Variants in TOP1MT observed in about 807,000 individuals in gnomAD.
The protein encoded by TOP1MT is DNA topoisomerase I mitochondrial.
In TOP1MT, 80 loss-of-function variants were observed where a neutral mutation model predicts 73.9. The observed-to-expected ratio is 1.08, with a 90% CI of 0.90 to 1.30. The LOEUF is 1.30. TOP1MT is among the 50% of genes most tolerant of loss of function. The pLI is 0.00. For synonymous variants in TOP1MT, 338 were observed against 326.4 expected, an observed-to-expected ratio of 1.04 and a Z score of -0.38; for missense variants, 815 against 808.0, an observed-to-expected ratio of 1.01 and a Z score of -0.10.
Position 143,334,799 on chromosome 8 carries a change from G to T in TOP1MT, c.63C>A (p.Arg21=). Residue 21 remains arginine (R), a synonymous_variant, in exon 1 of 14, where the codon CGC becomes CGA. Coordinates refer to ENST00000329245, the MANE Select transcript of TOP1MT (RefSeq NM_052963.3). ...AALTLLGEVP[R]RPASRGVPGS... ...CCGGGACACCCCGGGAGGCCGGGCG[G>T]CGGGGGACCTCCCCGAGCAGCGTCA... The T allele has an allele frequency of 1.3e-6, 2 of 1,579,206 alleles. No individual in the cohort carries two copies. Among genetic ancestry groups the T allele is most frequent in the Non-Finnish European group, 8.6e-7 (1 of 1,167,824 alleles).
intron 8 of TOP1MT, 65 bp downstream of exon 8, chr8:143,321,136 C>T (rs553743007): frequency 4.2e-5 from 62 of 1,468,762 alleles, no homozygotes; most frequent in South Asian, 2.3e-4. Flanking sequence ...AGCTCCGGCA[C>T]GCCCCCAGAC....
intron 12 of TOP1MT, chr8:143,310,495 T>C (rs1311963442): frequency 6.2e-6 from 2 of 322,744 alleles, no homozygotes; most frequent in Non-Finnish European, 1.1e-5. Context: ...CACAACAGAC[T>C]GAGGCCGGCC....
In TOP1MT at chr8:143,325,342, G is replaced by A. The variant is rs373786310; in HGVS notation, c.671+4C>T. 214 of 1,581,732 alleles carry A rather than the reference G, an allele frequency of 1.4e-4. 1 individual carries two copies. Among genetic ancestry groups the A allele is most frequent in the Non-Finnish European group, 1.7e-4 (193 of 1,157,302 alleles). On this transcript the variant is annotated splice_donor_region_variant and intron_variant, in intron 5 of 13. Coordinates refer to ENST00000329245, the MANE Select transcript of TOP1MT (RefSeq NM_052963.3). ...GCCCGCCTGCTGCCCGCCCGGCCAC[G>A]CACCTGCTGCAGTTGATAACCACAT...
upstream of TOP1MT, among the ~76,000 whole-genome samples, chr8:143,349,889 C>A (rs1172827857): frequency 6.6e-6 from 1 of 152,192 alleles, no homozygotes; most frequent in Non-Finnish European, 1.5e-5. Context: ...GATCTGCCCA[C>A]CTCAGCCTCC....
Position 143,328,366 on chromosome 8 carries a change from C to T in TOP1MT, c.360+984G>A, listed in dbSNP as rs1017923273. 7.0e-6 allele frequency: 3 copies of T among 431,094 alleles called. No homozygotes were observed. In the East Asian group the frequency reaches 2.1e-4, roughly 31 times the overall value. The allele number at this position is 431,094 out of a possible 1,614,324, so 26.7% of individuals were successfully genotyped here. Reference sequence around the variant, plus strand: ...CTCCGATAAATGAGCGAGGAATACGCAAGCAACTCAGTTTTTTAAATAGAC... The same window carrying T: ...CTCCGATAAATGAGCGAGGAATACGTAAGCAACTCAGTTTTTTAAATAGAC... On this transcript the variant is annotated intron_variant, in intron 3 of 13. Transcript: ENST00000329245.
chr8:143,322,240 T>C (rs371754183), intron 7 of TOP1MT, among the ~76,000 whole-genome samples: 565 of 7,070 alleles, frequency 0.08, 46 homozygotes, highest in Middle Eastern at 0.1. Flanking sequence ...CACACATGCA[T>C]GCCACACACG....
intron 7 of TOP1MT, among the ~76,000 whole-genome samples, chr8:143,322,608 A>G (rs1410331524): frequency 7.6e-6 from 1 of 132,336 alleles, no homozygotes; most frequent in Non-Finnish European, 1.6e-5. Flanking sequence ...CAGGCCACAC[A>G]CATGCATGCC....
chr8:143,323,802 A>C (rs1424357907), intron 7 of TOP1MT, among the ~76,000 whole-genome samples, 197 bp downstream of exon 7: 1 of 151,550 alleles, frequency 6.6e-6, no homozygotes, highest in Non-Finnish European at 1.5e-5. Flanking sequence ...ACAAGTGCAC[A>C]CACACCACAC....
At chr8:143,309,598 C>T in intron 13 of TOP1MT, 55 bp from the exon 14 acceptor site, 8 of 1,607,852 alleles carry the variant, frequency 5.0e-6, no homozygotes, top group Non-Finnish European at 6.8e-6. Flanking sequence ...CCTTGAAGGC[C>T]AGGTCAGGGT....
intron 12 of TOP1MT, 51 bp downstream of exon 12, chr8:143,315,676 C>T (rs769823500): frequency 2.4e-5 from 36 of 1,479,096 alleles, no homozygotes; most frequent in Admixed American, 2.2e-4. Context: ...CTGGACCCTA[C>T]GGGTTGGGAC....
intron 7 of TOP1MT, among the ~76,000 whole-genome samples, chr8:143,321,766 C>T (rs144755288): frequency 0.12 from 7,955 of 67,558 alleles, 855 homozygotes; most frequent in East Asian, 0.4. Context: ...AACACAGGCA[C>T]GCCACACACA....
intron 1 of TOP1MT, chr8:143,343,436 G>A (rs1319902648): frequency 1.7e-5 from 6 of 353,208 alleles, no homozygotes; most frequent in Non-Finnish European, 1.1e-5. Flanking sequence ...TGGCAAAGCT[G>A]CTGGTGACCC....
intron 7 of TOP1MT, among the ~76,000 whole-genome samples, chr8:143,322,076 C>CCA (rs139414863): frequency 1.1e-4 from 6 of 52,524 alleles, no homozygotes; most frequent in African/African-American, 2.5e-4. Flanking sequence ...CACACGCACG[C>CCA]CACACACAGG....
At chr8:143,347,299 T>C (rs545384276), upstream of TOP1MT, among the ~76,000 whole-genome samples, 94 of 152,232 alleles carry the variant, frequency 6.2e-4, no homozygotes, top group African/African-American at 2.1e-3. Flanking sequence ...GGACTACAGG[T>C]GCCCGCCACC....
rs557770374 is a variant in TOP1MT, at chr8:143,354,073, G to A, written c.-39+1892C>T. On this transcript the variant is annotated intron_variant, in intron 1 of 5. Coordinates refer to the TOP1MT transcript ENST00000518760. ...TTCTAGCTACATACCCGAAAGCACT[G>A]CAAAGAGGTATTCAGACAAACACTT... Among the ~76,000 whole-genome samples the A allele has an allele frequency of 1.0e-4, 15 of 150,322 alleles. No homozygotes were observed. In the South Asian group the frequency reaches 3.1e-3, roughly 31 times the overall value.
chr8:143,341,158 C>T lies in TOP1MT; in HGVS notation c.29+2062G>A, dbSNP rs1490583519. Among the ~76,000 whole-genome samples the T allele has an allele frequency of 1.3e-5, 2 of 152,210 alleles. No homozygotes were observed. Among genetic ancestry groups the T allele is most frequent in the African/African-American group, 4.8e-5 (2 of 41,454 alleles). ...GCCACCCTCTTCTCGTGCTGCCGCCCCAGTGCATCTCCCCACACGTTTGTC... is the reference window on the plus strand; with the variant it reads ...GCCACCCTCTTCTCGTGCTGCCGCCTCAGTGCATCTCCCCACACGTTTGTC... On this transcript the variant is annotated intron_variant, in intron 2 of 5. Transcript: ENST00000518007. This position sits in a 1 kb window ranked among gnomAD's most constrained non-coding sequence, Gnocchi z 4.1.
chr8:143,344,153 G>A lies in TOP1MT; in HGVS notation c.-39+763C>T, dbSNP rs887109713. 2.0e-5 allele frequency: 3 copies of A among 152,250 alleles called. No homozygotes were observed. Among genetic ancestry groups the A allele is most frequent in the Non-Finnish European group, 4.4e-5 (3 of 68,062 alleles). The allele number at this position is 152,250 out of a possible 1,614,324, so 9.4% of individuals were successfully genotyped here. A position where few individuals can be genotyped will look rare whatever the true frequency, so the allele number is the denominator to read the frequency against. ...TGTGGAATCTAGGCCCTCAAGGATGGGGCCCTCAAAGATGACACCAAGGTC... is the reference window on the plus strand; with the variant it reads ...TGTGGAATCTAGGCCCTCAAGGATGAGGCCCTCAAAGATGACACCAAGGTC... On this transcript the variant is annotated intron_variant, in intron 1 of 5. Coordinates refer to the TOP1MT transcript ENST00000518007. The surrounding 1 kb of genome is among the most constrained non-coding windows in gnomAD (Gnocchi z 4.6).
chr8:143,329,440 C>T lies in TOP1MT; in HGVS notation c.270G>A (p.Glu90=). 2 of 1,611,094 alleles carry T rather than the reference C, an allele frequency of 1.2e-6. No homozygotes were observed. The highest frequency in any genetic ancestry group is 1.7e-6 in the Non-Finnish European group (2 of 1,179,178). The change falls in exon 3 of 14, where the codon GAG becomes GAA. Residue 90 remains glutamate, a synonymous_variant. Coordinates refer to ENST00000329245, the MANE Select transcript of TOP1MT (RefSeq NM_052963.3). ...TCCTCCCATAAAAAGTGGCGACCTC[C>T]TCCGCTGCCACGCTCAATCTCACAG... ...GRPVRLSVAA[E]EVATFYGRML... is the part of the protein sequence containing the mutation.
chr8:143,350,560 G>C (rs1419310349), intron 1 of TOP1MT, among the ~76,000 whole-genome samples: 1 of 152,202 alleles, frequency 6.6e-6, no homozygotes, highest in African/African-American at 2.4e-5. Flanking sequence ...TCGAACTCCT[G>C]ACCTCAAGTG....
Sources: allele counts gnomAD v4.1 joint callset (sites outside exome capture counted in the v4.1 genomes callset), GRCh38; gene constraint gnomAD v4.1.1; non-coding constraint Gnocchi (gnomAD v3.1); transcripts MANE v1.5; gene names NCBI Gene and HGNC (gene_info 2026-07-23, HGNC 2026-07-21).